Variants in RSU1 observed in about 807,000 individuals in gnomAD.
The protein encoded by RSU1 is Ras suppressor protein 1.
In RSU1, 26 loss-of-function variants were observed where a neutral mutation model predicts 31.1. The ratio of observed to expected loss-of-function variants is 0.84; its 90% CI spans 0.61 to 1.16. The LOEUF (loss-of-function observed/expected upper bound fraction) is 1.16, where lower values mean the gene tolerates loss of function less well. RSU1 is among the 50% of genes most tolerant of loss of function. RSU1 has a pLI of 0.00. For missense variants in RSU1, 320 were observed against 339.1 expected (o/e 0.94, Z 0.44); for synonymous variants, 164 against 136.3 (o/e 1.20, Z -1.41).
intron 8 of RSU1, among the ~76,000 whole-genome samples, chr10:16,631,259 G>C (rs950537131): frequency 6.6e-6 from 1 of 152,166 alleles, no homozygotes; most frequent in South Asian, 2.1e-4. Context: ...TTGGGGGGAC[G>C]GTTCCGAGCG....
At chr10:16,676,843 G>T (rs956730066) in intron 8 of RSU1, among the ~76,000 whole-genome samples, 2 of 152,192 alleles carry the variant, frequency 1.3e-5, no homozygotes, top group Admixed American at 1.3e-4. Context: ...ATCAGAGGGT[G>T]TATCTAGCAG....
chr10:16,736,221 G>A (rs915420599), intron 7 of RSU1, among the ~76,000 whole-genome samples: 1 of 152,096 alleles, frequency 6.6e-6, no homozygotes, highest in East Asian at 1.9e-4. Context: ...ACTCCTAAAG[G>A]CTGGGAAAGA....
At chr10:16,817,136 G>T in intron 1 of RSU1, 52 bp from the exon 2 acceptor site, 1 of 1,353,760 alleles carries the variant, frequency 7.4e-7, no homozygotes. Context: ...GCGCAGAGGC[G>T]GAAAGGCAAG....
rs1834070447 is a variant in RSU1 at position 16,621,515 on chromosome 10, C to A, written c.732-28019G>T. ...ATTTTAATGACTGTATTAGTCTGTT[C>A]TCACACTGCTAAGAAAGACATACCC... On this transcript the variant is annotated intron_variant, in intron 8 of 8. Transcript: ENST00000345264. Among the ~76,000 whole-genome samples the A allele has an allele frequency of 2.0e-5, 3 of 152,228 alleles. 1 individual carries two copies. Among genetic ancestry groups the A allele is most frequent in the African/African-American group, 2.4e-5 (1 of 41,528 alleles).
At chr10:16,667,645 A>T (rs1835022167) in intron 8 of RSU1, among the ~76,000 whole-genome samples, 1 of 151,948 alleles carries the variant, frequency 6.6e-6, no homozygotes, top group Admixed American at 6.6e-5. Context: ...GCACCACCAC[A>T]CCGGGCTAAG....
At chr10:16,815,298 C>T (rs754792090) in intron 2 of RSU1, among the ~76,000 whole-genome samples, 3 of 152,206 alleles carry the variant, frequency 2.0e-5, no homozygotes, top group African/African-American at 4.8e-5. Context: ...GCCTACGAAA[C>T]GCAAATCTAC....
At chr10:16,786,904 A>G (rs968833870) in intron 2 of RSU1, among the ~76,000 whole-genome samples, 5 of 152,144 alleles carry the variant, frequency 3.3e-5, no homozygotes, top group African/African-American at 1.2e-4. Flanking sequence ...CTTAATCAAG[A>G]TAAGGAGGAG....
chr10:16,738,865 C>T (rs1836691337), intron 7 of RSU1, among the ~76,000 whole-genome samples: 1 of 145,374 alleles, frequency 6.9e-6, no homozygotes, highest in South Asian at 2.2e-4. Context: ...TCCTTGCCCC[C>T]CACCCCCCCA....
intron 2 of RSU1, among the ~76,000 whole-genome samples, chr10:16,804,281 A>G (rs1838220108): frequency 6.6e-6 from 1 of 152,236 alleles, no homozygotes; most frequent in Non-Finnish European, 1.5e-5. Context: ...CTGCATACCC[A>G]CTAAAATGGC....
chr10:16,678,597 G>A (rs1835273646), intron 8 of RSU1, among the ~76,000 whole-genome samples: 2 of 152,180 alleles, frequency 1.3e-5, no homozygotes, highest in African/African-American at 4.8e-5. Context: ...ATTCTTTGTG[G>A]TTTCTTCCTT....
At chr10:16,704,911 G>A (rs1835863618) in intron 7 of RSU1, among the ~76,000 whole-genome samples, 1 of 152,042 alleles carries the variant, frequency 6.6e-6, no homozygotes, top group Non-Finnish European at 1.5e-5. Flanking sequence ...TAAGGGTATG[G>A]TTTGGTGATA....
chr10:16,596,144 C>T (rs534580677), intron 8 of RSU1, among the ~76,000 whole-genome samples: 4 of 152,194 alleles, frequency 2.6e-5, no homozygotes, highest in South Asian at 2.1e-4. Flanking sequence ...TAAAGTTCAG[C>T]GGGTCCAACC....
At chr10:16,808,022 CAAAA>C (rs9331745) in intron 2 of RSU1, among the ~76,000 whole-genome samples, 11 of 116,252 alleles carry the variant, frequency 9.5e-5, no homozygotes, top group African/African-American at 9.1e-5. Flanking sequence ...GACTCTGTCT[CAAAA>C]AAAAAAAAAA....
At chr10:16,703,412 C>T (rs1835835705) in intron 7 of RSU1, among the ~76,000 whole-genome samples, 1 of 152,164 alleles carries the variant, frequency 6.6e-6, no homozygotes. Context: ...AATGTTCATA[C>T]TGTTTGACCT....
At chr10:16,766,444 G>A (rs1012274647) in intron 3 of RSU1, among the ~76,000 whole-genome samples, 8 of 152,152 alleles carry the variant, frequency 5.3e-5, no homozygotes, top group Non-Finnish European at 7.4e-5. Flanking sequence ...GGCCGGGAGC[G>A]GTGGCTCACA....
At chr10:16,796,149 C>G (rs1051636308) in intron 2 of RSU1, among the ~76,000 whole-genome samples, 2 of 152,136 alleles carry the variant, frequency 1.3e-5, no homozygotes, top group Non-Finnish European at 2.9e-5. Context: ...TGCTCTTACC[C>G]GAAGGCAAAA....
intron 8 of RSU1, among the ~76,000 whole-genome samples, chr10:16,603,379 AG>A (rs1344093957): frequency 6.6e-6 from 1 of 152,246 alleles, no homozygotes; most frequent in Non-Finnish European, 1.5e-5. Flanking sequence ...CATGCAAAAA[AG>A]ATGCTCATTA....
intron 8 of RSU1, among the ~76,000 whole-genome samples, chr10:16,593,978 T>G (rs1833558793): frequency 6.6e-6 from 1 of 152,214 alleles, no homozygotes; most frequent in Non-Finnish European, 1.5e-5. Flanking sequence ...CCACCACACA[T>G]CAATGCCACA....
chr10:16,766,966 A>G (rs1837326087), intron 3 of RSU1, among the ~76,000 whole-genome samples: 1 of 151,726 alleles, frequency 6.6e-6, no homozygotes, highest in Non-Finnish European at 1.5e-5. Flanking sequence ...GGTTGCAGTG[A>G]GCCGAGATCA....
Sources: allele counts gnomAD v4.1 joint callset (sites outside exome capture counted in the v4.1 genomes callset), GRCh38; gene constraint gnomAD v4.1.1; transcripts MANE v1.5; gene names NCBI Gene and HGNC (gene_info 2026-07-23, HGNC 2026-07-21).